LYPLAL1: variants seen among roughly 807,000 people sequenced by gnomAD.
The protein encoded by LYPLAL1 is lysophospholipase like 1.
In LYPLAL1, 23 loss-of-function variants were observed where a neutral mutation model predicts 19.7. The observed-to-expected ratio is 1.17, with a 90% CI of 0.84 to 1.65. The LOEUF is 1.65. Among genes scored for constraint, LYPLAL1 ranks in the 40% most tolerant of loss-of-function variants. The pLI is 0.00. For synonymous variants in LYPLAL1, 119 were observed against 96.3 expected (o/e 1.24, Z -1.38); for missense variants, 355 against 279.4 (o/e 1.27, Z -1.93).
chr1:219,232,194 A>G, the LYPLAL1 span, among the ~76,000 whole-genome samples: 1 of 152,140 alleles, frequency 6.6e-6, no homozygotes, highest in Non-Finnish European at 1.5e-5. Flanking sequence ...TTTAAGGGAG[A>G]TATTTATCAC....
At chr1:219,249,113 C>T in the LYPLAL1 span, among the ~76,000 whole-genome samples, 1 of 151,958 alleles carries the variant, frequency 6.6e-6, no homozygotes, top group South Asian at 2.1e-4. Flanking sequence ...GAAACCATCA[C>T]GTAGCTAAAG....
chr1:219,335,480 AAAC>A, the LYPLAL1 span, among the ~76,000 whole-genome samples: 1 of 151,970 alleles, frequency 6.6e-6, no homozygotes, highest in African/African-American at 2.4e-5. Context: ...GCTGAAAAAA[AAAC>A]ATTAGAATTT....
At chr1:219,354,645 T>C in the LYPLAL1 span, among the ~76,000 whole-genome samples, 1 of 151,422 alleles carries the variant, frequency 6.6e-6, no homozygotes, top group African/African-American at 2.5e-5. Context: ...AAAAAGTAGC[T>C]ATAGGAAAAC....
At chr1:219,191,580 A>C (rs1245684793) in intron 2 of LYPLAL1, among the ~76,000 whole-genome samples, 1 of 151,646 alleles carries the variant, frequency 6.6e-6, no homozygotes, top group African/African-American at 2.4e-5. Context: ...ATTTTAATTT[A>C]TAAGAATAAC....
the LYPLAL1 span, among the ~76,000 whole-genome samples, chr1:219,409,223 C>T: frequency 1.3e-5 from 2 of 152,032 alleles, no homozygotes; most frequent in Non-Finnish European, 2.9e-5. Context: ...TGGAGATGGG[C>T]AGATCGCTTG....
At chr1:219,379,678 A>T in the LYPLAL1 span, among the ~76,000 whole-genome samples, 28,420 of 152,114 alleles carry the variant, frequency 0.19, 2,746 homozygotes, top group East Asian at 0.28. Context: ...AAAAATAATA[A>T]TATTAATAAT....
At chr1:219,395,960 G>A in the LYPLAL1 span, among the ~76,000 whole-genome samples, 10 of 151,948 alleles carry the variant, frequency 6.6e-5, no homozygotes, top group South Asian at 2.1e-4. Flanking sequence ...AAAATTAGCC[G>A]GGCATGGTGG....
the LYPLAL1 span, among the ~76,000 whole-genome samples, chr1:219,388,306 T>C: frequency 6.6e-6 from 1 of 152,156 alleles, no homozygotes; most frequent in East Asian, 1.9e-4. Context: ...GAGATCCCAA[T>C]GGCAGGATCT....
At chr1:219,295,628 C>T in the LYPLAL1 span, among the ~76,000 whole-genome samples, 1 of 152,036 alleles carries the variant, frequency 6.6e-6, no homozygotes, top group African/African-American at 2.4e-5. Flanking sequence ...CCCTTCTCTT[C>T]AACTTCTCTT....
chr1:219,376,243 G>A, the LYPLAL1 span, among the ~76,000 whole-genome samples: 2 of 86,066 alleles, frequency 2.3e-5, no homozygotes, highest in Non-Finnish European at 4.5e-5. Flanking sequence ...AAAAATGGCA[G>A]TTTCTTCAAC....
At chr1:219,408,074 A>T in the LYPLAL1 span, among the ~76,000 whole-genome samples, 1 of 152,188 alleles carries the variant, frequency 6.6e-6, no homozygotes, top group South Asian at 2.1e-4. Context: ...CATTCACTCT[A>T]TAACAACATG....
chr1:219,185,978 G>A (rs922897963), intron 2 of LYPLAL1, among the ~76,000 whole-genome samples: 24 of 151,892 alleles, frequency 1.6e-4, no homozygotes, highest in African/African-American at 5.8e-4. Context: ...GTCAGACAGA[G>A]TTACACTGTA....
At chr1:219,388,472 C>A in the LYPLAL1 span, among the ~76,000 whole-genome samples, 1 of 152,116 alleles carries the variant, frequency 6.6e-6, no homozygotes, top group Non-Finnish European at 1.5e-5. Flanking sequence ...CTAGTAGAGT[C>A]TAATATTCCT....
the LYPLAL1 span, among the ~76,000 whole-genome samples, chr1:219,363,049 C>A: frequency 4.2e-3 from 645 of 152,150 alleles, 8 homozygotes; most frequent in African/African-American, 0.015. Flanking sequence ...ACAATACCAC[C>A]GTCTTCATTG....
At chr1:219,210,230 G>A (rs142283549) in intron 3 of LYPLAL1, 51 of 171,488 alleles carry the variant, frequency 3.0e-4, no homozygotes, top group African/African-American at 1.1e-3. Flanking sequence ...GAGAATTTAA[G>A]TAATGCTTGT....
intron 3 of LYPLAL1, chr1:219,198,651 A>C (rs1185162250): frequency 6.6e-6 from 1 of 152,100 alleles, no homozygotes; most frequent in Non-Finnish European, 1.5e-5. Context: ...GAAGATCTCC[A>C]TGTTTATAAA....
At chr1:219,413,354 C>T in the LYPLAL1 span, among the ~76,000 whole-genome samples, 1 of 152,194 alleles carries the variant, frequency 6.6e-6, no homozygotes, top group Non-Finnish European at 1.5e-5. Context: ...AAGGGATCCT[C>T]ATCTTCTTTC....
At chr1:219,393,623 C>G in the LYPLAL1 span, among the ~76,000 whole-genome samples, 1 of 152,162 alleles carries the variant, frequency 6.6e-6, no homozygotes, top group East Asian at 1.9e-4. Context: ...TTTCCATGAG[C>G]AACTCAAATA....
intron 1 of LYPLAL1, chr1:219,175,190 G>C (rs959228080): frequency 1.3e-6 from 1 of 742,458 alleles, no homozygotes; most frequent in Non-Finnish European, 1.6e-6. Context: ...GCGGATTTGG[G>C]ATTAGAACCC....
Sources: allele counts gnomAD v4.1 joint callset (sites outside exome capture counted in the v4.1 genomes callset), GRCh38; gene constraint gnomAD v4.1.1; transcripts MANE v1.5; gene names NCBI Gene and HGNC (gene_info 2026-07-23, HGNC 2026-07-21).